Variants in C12orf42 observed in about 807,000 individuals in gnomAD.
C12orf42 encodes chromosome 12 open reading frame 42.
In C12orf42, 25 loss-of-function variants were observed where a neutral mutation model predicts 21.6. The ratio of observed to expected loss-of-function variants is 1.16; its 90% confidence interval spans 0.84 to 1.62. The LOEUF (loss-of-function observed/expected upper bound fraction) is 1.62, where lower values mean the gene tolerates loss of function less well. Ranked by LOEUF, C12orf42 falls within the 40% of genes most tolerant of loss-of-function variation. The pLI is 0.00. For missense variants in C12orf42, 483 were observed against 459.3 expected (o/e 1.05, Z -0.47); for synonymous variants, 174 against 175.0 (o/e 0.99, Z 0.05).
At chr12:103,110,059 C>T in the C12orf42 span, among the ~76,000 whole-genome samples, 20 of 152,262 alleles carry the variant, frequency 1.3e-4, no homozygotes, top group African/African-American at 4.6e-4. Flanking sequence ...AAATAAAAGT[C>T]TGATGACGTC....
intron 4 of C12orf42, among the ~76,000 whole-genome samples, chr12:103,361,204 C>A (rs2044071566): frequency 6.6e-6 from 1 of 152,114 alleles, no homozygotes; most frequent in Non-Finnish European, 1.5e-5. Flanking sequence ...ACTGTGAGCG[C>A]CCAAGTTGTG....
Position 103,339,516 on chromosome 12 carries a change from A to T in C12orf42, c.259+29371T>A, listed in dbSNP as rs2041992503. On this transcript the variant is annotated intron_variant, in intron 4 of 5. Coordinates refer to ENST00000548883, the MANE Select transcript of C12orf42 (RefSeq NM_198521.5). ...ATGGCCTCTATCCATCCATGTCCAT[A>T]AAAAAGTGGACAAAGGACATGAACA... is the stretch of plus-strand genomic sequence containing the variant. Among the ~76,000 whole-genome samples the T allele has an allele frequency of 1.3e-5, 2 of 152,206 alleles. 1 individual carries two copies. The highest frequency in any genetic ancestry group is 4.8e-5 in the African/African-American group (2 of 41,446).
At chr12:103,281,510 C>G (rs2036116851) in intron 4 of C12orf42, among the ~76,000 whole-genome samples, 1 of 152,046 alleles carries the variant, frequency 6.6e-6, no homozygotes, top group Non-Finnish European at 1.5e-5. Context: ...GCGCCCACCA[C>G]CATGCCTGGC....
At chr12:103,372,053 A>T (rs1036347790) in intron 3 of C12orf42, among the ~76,000 whole-genome samples, 2 of 152,098 alleles carry the variant, frequency 1.3e-5, no homozygotes, top group Non-Finnish European at 2.9e-5. Context: ...TGTCCAAAAG[A>T]GAAACTAGAA....
chr12:103,139,580 C>T, the C12orf42 span, among the ~76,000 whole-genome samples: 3 of 151,906 alleles, frequency 2.0e-5, no homozygotes, highest in Non-Finnish European at 4.4e-5. Flanking sequence ...AAAATTATGA[C>T]GTATGTATCT....
intron 2 of C12orf42, among the ~76,000 whole-genome samples, chr12:103,457,195 A>G: frequency 6.6e-6 from 1 of 152,168 alleles, no homozygotes. Context: ...TCTACTTTCA[A>G]TCTAAAGCAT....
chr12:103,167,900 G>GTGTGTTTGTGTC, the C12orf42 span: 1 of 353,130 alleles, frequency 2.8e-6, no homozygotes, highest in South Asian at 2.2e-5. Flanking sequence ...GTGTGTGTGT[G>GTGTGTTTGTGTC]TGTGTGTGTG....
chr12:103,142,165 G>C, the C12orf42 span, among the ~76,000 whole-genome samples: 1,228 of 152,272 alleles, frequency 8.1e-3, 16 homozygotes, highest in African/African-American at 0.027. Context: ...TAGTTTTGCT[G>C]TTGTTATTTC....
chr12:103,379,531 C>T (rs1156612653), intron 3 of C12orf42, among the ~76,000 whole-genome samples: 1 of 152,144 alleles, frequency 6.6e-6, no homozygotes, highest in East Asian at 1.9e-4. Context: ...ATTACTAGAC[C>T]TAAAGATGTT....
At chr12:103,087,545 C>T in the C12orf42 span, among the ~76,000 whole-genome samples, 1 of 152,142 alleles carries the variant, frequency 6.6e-6, no homozygotes, top group Non-Finnish European at 1.5e-5. Flanking sequence ...TGAGAAATAT[C>T]AAAGTAAGGC....
the C12orf42 span, among the ~76,000 whole-genome samples, chr12:103,223,092 C>T: frequency 6.6e-6 from 1 of 152,048 alleles, no homozygotes; most frequent in Non-Finnish European, 1.5e-5. Context: ...TCCTCAACAA[C>T]ATATGTTCTC....
chr12:103,148,004 G>A, the C12orf42 span, among the ~76,000 whole-genome samples: 1 of 152,008 alleles, frequency 6.6e-6, no homozygotes, highest in African/African-American at 2.4e-5. Context: ...TTTTTTATTA[G>A]TCATACAGAA....
At chr12:103,285,034 GTCC>G (rs1246981774) in intron 4 of C12orf42, among the ~76,000 whole-genome samples, 1 of 152,138 alleles carries the variant, frequency 6.6e-6, no homozygotes, top group African/African-American at 2.4e-5. Context: ...AAAGCAAGTA[GTCC>G]TCATAACAAA....
At chr12:103,549,798 C>A in the C12orf42 span, among the ~76,000 whole-genome samples, 7 of 152,152 alleles carry the variant, frequency 4.6e-5, no homozygotes, top group African/African-American at 1.7e-4. Context: ...AAATGACATT[C>A]ATACAAATTA....
At chr12:103,100,930 A>G in the C12orf42 span, among the ~76,000 whole-genome samples, 2 of 152,230 alleles carry the variant, frequency 1.3e-5, no homozygotes, top group Non-Finnish European at 2.9e-5. Context: ...TGAGAACTGA[A>G]TTCGATTATA....
chr12:103,375,880 A>G (rs989554106), intron 3 of C12orf42, among the ~76,000 whole-genome samples: 6 of 152,162 alleles, frequency 3.9e-5, no homozygotes, highest in African/African-American at 2.4e-5. Flanking sequence ...AGATGAAGGA[A>G]TTCTGTATTT....
intron 2 of C12orf42, among the ~76,000 whole-genome samples, chr12:103,431,829 C>T (rs1288335275): frequency 6.6e-6 from 1 of 152,190 alleles, no homozygotes; most frequent in Admixed American, 6.5e-5. Context: ...TACAGGTCTG[C>T]AGCAACCTCA....
At chr12:103,080,700 T>G in the C12orf42 span, among the ~76,000 whole-genome samples, 7 of 152,160 alleles carry the variant, frequency 4.6e-5, no homozygotes, top group Non-Finnish European at 1.5e-5. Flanking sequence ...CACAACCAAT[T>G]TCTGTTTTAG....
chr12:103,181,487 A>G, the C12orf42 span, among the ~76,000 whole-genome samples: 1 of 152,204 alleles, frequency 6.6e-6, no homozygotes. Context: ...GTCCCTCTAC[A>G]AAAAGAAGAA....
Sources: allele counts gnomAD v4.1 joint callset (sites outside exome capture counted in the v4.1 genomes callset), GRCh38; gene constraint gnomAD v4.1.1; transcripts MANE v1.5; gene names NCBI Gene and HGNC (gene_info 2026-07-23, HGNC 2026-07-21).